The following NUMB variants were observed in gnomAD, a reference collection of about 807,000 sequenced individuals.
NUMB encodes protein numb homolog.
In NUMB, 29 loss-of-function variants were observed where a neutral mutation model predicts 59.7. That is an observed-to-expected ratio of 0.49 (90% CI 0.36 to 0.66). NUMB has a LOEUF of 0.66. NUMB is among the 30% of genes least tolerant of loss of function. The pLI is 0.00. For missense variants in NUMB, 723 were observed against 822.0 expected, an observed-to-expected ratio of 0.88 and a Z score of 1.47; for synonymous variants, 288 against 288.2, an observed-to-expected ratio of 1.00 and a Z score of 0.01.
At chr14:73,304,483 T>TG (rs1890315156) in intron 6 of NUMB, among the ~76,000 whole-genome samples, 1 of 152,062 alleles carries the variant, frequency 6.6e-6, no homozygotes, top group South Asian at 2.1e-4. Context: ...TGGCTACTTT[T>TG]TTATTTTTAT....
chr14:73,416,144 G>A (rs752117385), intron 1 of NUMB, among the ~76,000 whole-genome samples: 25 of 152,142 alleles, frequency 1.6e-4, no homozygotes, highest in Admixed American at 4.6e-4. Flanking sequence ...TGAACACCCA[G>A]ATTGTTTACA....
chr14:73,276,758 T>G lies in NUMB; in HGVS notation c.1776A>C (p.Val592=). The G allele has an allele frequency of 6.2e-7, 1 of 1,614,198 alleles. No individual in the cohort carries two copies. The highest frequency in any genetic ancestry group is 2.2e-5 in the East Asian group (1 of 44,878). Residue 592 remains valine, a synonymous_variant, in exon 13 of 13, where the codon GTA becomes GTC. Coordinates refer to ENST00000555238, the MANE Select transcript of NUMB (RefSeq NM_001005743.2). ...HLNGSAAFNG[V]DDGRLASADR... is the part of the protein sequence containing the mutation. ...CTGCTGAGGCCAACCTGCCATCATC[T>G]ACACCATTGAAAGCTGCAGAACCGT...
intron 7 of NUMB, among the ~76,000 whole-genome samples, chr14:73,295,262 C>A (rs1031964190): frequency 2.0e-5 from 3 of 152,022 alleles, no homozygotes; most frequent in Admixed American, 6.6e-5. Flanking sequence ...GGTATTAGTT[C>A]CCGCTTATAG....
At chr14:73,288,494 T>C (rs1445840274) in intron 8 of NUMB, among the ~76,000 whole-genome samples, 1 of 152,126 alleles carries the variant, frequency 6.6e-6, no homozygotes, top group African/African-American at 2.4e-5. Context: ...GAGGTTGCTG[T>C]GAGCTGAGAT....
intron 1 of NUMB, among the ~76,000 whole-genome samples, chr14:73,419,001 AT>A (rs1354353265): frequency 1.3e-5 from 2 of 152,220 alleles, no homozygotes; most frequent in Non-Finnish European, 2.9e-5. Flanking sequence ...AGAAGTTATA[AT>A]TTGTATCCAC....
chr14:73,296,317 T>A (rs973199810), intron 7 of NUMB, among the ~76,000 whole-genome samples: 1 of 151,982 alleles, frequency 6.6e-6, no homozygotes, highest in Non-Finnish European at 1.5e-5. Flanking sequence ...GTGGTCTGTG[T>A]TTGTAATCAG....
At chr14:73,451,434 TAAA>T (rs71872203) in intron 1 of NUMB, among the ~76,000 whole-genome samples, 2 of 111,490 alleles carry the variant, frequency 1.8e-5, no homozygotes, top group Admixed American at 9.3e-5. Context: ...AGACACCGTC[TAAA>T]AAAAAAAAAA....
chr14:73,454,491 C>A (rs905008234), intron 1 of NUMB, among the ~76,000 whole-genome samples: 2 of 152,010 alleles, frequency 1.3e-5, no homozygotes, highest in Non-Finnish European at 2.9e-5. Context: ...TATTGTACAG[C>A]GAGTTGGAGA....
At chr14:73,339,975 G>A (rs548958819) in intron 4 of NUMB, among the ~76,000 whole-genome samples, 5 of 151,982 alleles carry the variant, frequency 3.3e-5, no homozygotes, top group African/African-American at 4.8e-5. Flanking sequence ...TGTGACTAGC[G>A]GGGGATGGAA....
At chr14:73,385,308 CTTTT>C (rs1174960370) in intron 2 of NUMB, among the ~76,000 whole-genome samples, 8,129 of 112,288 alleles carry the variant, frequency 0.072, 510 homozygotes, top group African/African-American at 0.19. Context: ...CCAGTTAATT[CTTTT>C]TTTTTTTTTT....
intron 7 of NUMB, 61 bp from the exon 8 acceptor site, chr14:73,292,935 C>A: frequency 2.6e-6 from 4 of 1,524,114 alleles, no homozygotes; most frequent in Admixed American, 3.5e-5. Flanking sequence ...CTTCTCAGAA[C>A]ACAGGATGTT....
chr14:73,298,532 A>G (rs1369154093), intron 6 of NUMB: 1 of 152,256 alleles, frequency 6.6e-6, no homozygotes, highest in Non-Finnish European at 1.5e-5. Context: ...GATGGAATGT[A>G]ATAGTAATTT....
chr14:73,335,060 C>T (rs1380112253), intron 4 of NUMB, among the ~76,000 whole-genome samples: 1 of 151,404 alleles, frequency 6.6e-6, no homozygotes, highest in Non-Finnish European at 1.5e-5. Context: ...TATTATATAC[C>T]TGTGCTTTCT....
chr14:73,307,309 TAAAA>T (rs34444870), intron 6 of NUMB, among the ~76,000 whole-genome samples: 1 of 143,118 alleles, frequency 7.0e-6, no homozygotes. Context: ...ACTCTGTCTT[TAAAA>T]AAAAAAAAAA....
intron 10 of NUMB, among the ~76,000 whole-genome samples, chr14:73,283,800 G>A (rs771973402): frequency 3.3e-5 from 5 of 152,220 alleles, no homozygotes; most frequent in Non-Finnish European, 5.9e-5. Flanking sequence ...TTGGCTGAAA[G>A]GCAGTGAATG....
intron 2 of NUMB, among the ~76,000 whole-genome samples, chr14:73,381,293 C>T (rs1237339542): frequency 6.7e-6 from 1 of 150,330 alleles, no homozygotes. Flanking sequence ...TGTCTTGGGA[C>T]AGAAAACACT....
chr14:73,374,352 T>C (rs1894848254), intron 2 of NUMB, among the ~76,000 whole-genome samples: 1 of 151,254 alleles, frequency 6.6e-6, no homozygotes, highest in African/African-American at 2.5e-5. Flanking sequence ...TTATTAGGCT[T>C]GAAAGTCACT....
chr14:73,429,031 T>C (rs1331916918), intron 1 of NUMB, among the ~76,000 whole-genome samples: 1 of 152,090 alleles, frequency 6.6e-6, no homozygotes, highest in Non-Finnish European at 1.5e-5. Context: ...CCTCATGCCC[T>C]CAGTAGTCAA....
chr14:73,435,154 G>A (rs933367459), intron 1 of NUMB, among the ~76,000 whole-genome samples: 1 of 152,020 alleles, frequency 6.6e-6, no homozygotes, highest in Admixed American at 6.6e-5. Flanking sequence ...AAATCAAAGG[G>A]ACTAACAACT....
Sources: gnomAD v4.1 joint callset for allele counts (sites outside exome capture counted in the v4.1 genomes callset) on GRCh38, gnomAD v4.1.1 for gene constraint, MANE v1.5 for transcripts, NCBI Gene and HGNC (gene_info 2026-07-23, HGNC 2026-07-21) for gene names.